ADGRV1: variants seen among roughly 807,000 people sequenced by gnomAD.
The protein encoded by ADGRV1 is G-protein coupled receptor 98.
ADGRV1 carries 359 observed loss-of-function variants against 596.2 expected under a neutral mutation model. That is an observed-to-expected ratio of 0.60 (90% CI 0.55 to 0.66). ADGRV1 has a LOEUF of 0.66. ADGRV1 is among the 30% of genes least tolerant of loss of function. The pLI is 0.00. For synonymous variants in ADGRV1, 2,681 were observed against 2,679.2 expected (o/e 1.00, Z -0.02); for missense variants, 7,274 against 7,575.6 (o/e 0.96, Z 1.48).
At chr5:90,863,921 T>G (rs1767847801) in intron 83 of ADGRV1, 64 bp downstream of exon 83, 1 of 1,050,414 alleles carries the variant, frequency 9.5e-7, no homozygotes, top group Admixed American at 1.9e-5. Context: ...CTTTGGTTCT[T>G]GAACTGAGTG....
chr5:90,745,585 TG>T lies in ADGRV1; in HGVS notation c.10770-4del. On this transcript the variant is annotated splice_region_variant and splice_polypyrimidine_tract_variant and intron_variant, in intron 51 of 89. Coordinates refer to ENST00000405460, the MANE Select transcript of ADGRV1 (RefSeq NM_032119.4). ...TGACTTATTTTGTATATGCTTCTTA[TG>T]GTAGTTCAGGTGAACTGATATTTGA... The T allele has an allele frequency of 6.3e-7, 1 of 1,597,300 alleles. No homozygotes were observed. Among genetic ancestry groups the T allele is most frequent in the Non-Finnish European group, 8.6e-7 (1 of 1,167,616 alleles).
intron 85 of ADGRV1, among the ~76,000 whole-genome samples, chr5:91,018,158 C>A (rs1299857981): frequency 6.6e-6 from 1 of 151,890 alleles, no homozygotes; most frequent in Non-Finnish European, 1.5e-5. Flanking sequence ...TTCTGAAAGT[C>A]TCTGAGCATC....
intron 83 of ADGRV1, among the ~76,000 whole-genome samples, chr5:90,950,966 C>T (rs1777013697): frequency 6.6e-6 from 1 of 152,076 alleles, no homozygotes; most frequent in Admixed American, 6.6e-5. Context: ...AAAGATAAGC[C>T]TCGCTCTTCT....
intron 83 of ADGRV1, among the ~76,000 whole-genome samples, chr5:90,916,023 A>G (rs953892792): frequency 6.6e-6 from 1 of 152,146 alleles, no homozygotes; most frequent in Non-Finnish European, 1.5e-5. Flanking sequence ...TAGCATTTCT[A>G]AGAGGTTTTT....
rs543868459 is a variant in ADGRV1, at chr5:90,669,514, ATATT to A, written c.4753-3029_4753-3026del. 1.8e-3 allele frequency among the ~76,000 whole-genome samples: 269 copies of A among 152,382 alleles called. 2 individuals are homozygous for A. Among genetic ancestry groups the A allele is most frequent in the Admixed American group, 8.0e-3 (122 of 15,306 alleles). On this transcript the variant is annotated intron_variant, in intron 21 of 89. Transcript: ENST00000405460. ...CTGATAAAAATGTTGTACACATTAA[ATATT>A]TAATACTTATAAACCACAATAGATA...
chr5:90,667,498 A>G (rs1771644468), intron 21 of ADGRV1, among the ~76,000 whole-genome samples: 1 of 147,124 alleles, frequency 6.8e-6, no homozygotes, highest in Non-Finnish European at 1.5e-5. Context: ...TGATTATTCT[A>G]GTTATACATT....
intron 1 of ADGRV1, among the ~76,000 whole-genome samples, chr5:90,595,778 C>G (rs1282898593): frequency 7.1e-6 from 1 of 139,920 alleles, no homozygotes; most frequent in Non-Finnish European, 1.6e-5. Context: ...GGTGGCTGGC[C>G]GGGCGGGAGG....
intron 83 of ADGRV1, among the ~76,000 whole-genome samples, chr5:90,867,522 C>A (rs1768245926): frequency 6.6e-6 from 1 of 152,092 alleles, no homozygotes; most frequent in African/African-American, 2.4e-5. Flanking sequence ...GACACCCTTG[C>A]GAAAAGATTC....
chr5:90,835,238 G>C (rs112794396), intron 77 of ADGRV1, among the ~76,000 whole-genome samples: 1 of 152,180 alleles, frequency 6.6e-6, no homozygotes, highest in Non-Finnish European at 1.5e-5. Context: ...GGTTATTGCA[G>C]CCATATCTGC....
Position 90,643,869 on chromosome 5 carries a change from A to G in ADGRV1, c.2620A>G (p.Thr874Ala). Residue 874 changes from threonine to alanine, a missense_variant, in exon 14 of 90, where the codon ACC (threonine) becomes GCC (alanine). Thr to Ala is a moderately conservative substitution (Grantham distance 58). Coordinates refer to ENST00000405460, the MANE Select transcript of ADGRV1 (RefSeq NM_032119.4). ...GERESKLGSA[T>A]IVNITILKND... ...ACGGGAAAGCAAGTTGGGAAGTGCC[A>G]CCATTGTCAATATAACGATTCTGAA... The G allele has an allele frequency of 6.2e-7, 1 of 1,611,608 alleles. No homozygotes were observed. The highest frequency in any genetic ancestry group is 8.5e-7 in the Non-Finnish European group (1 of 1,178,610).
intron 86 of ADGRV1, among the ~76,000 whole-genome samples, chr5:91,076,880 C>CT (rs756716073): frequency 2.6e-4 from 39 of 151,596 alleles, no homozygotes; most frequent in Non-Finnish European, 4.7e-4. Context: ...TTTAATTATA[C>CT]TTTAAGTTCT....
chr5:91,060,378 GTATATATA>G (rs199745758), intron 85 of ADGRV1, among the ~76,000 whole-genome samples: 1 of 77,124 alleles, frequency 1.3e-5, no homozygotes, highest in East Asian at 3.0e-4. Context: ...ATGTGTGTGT[GTATATATA>G]TATATATATA....
In ADGRV1 at chr5:90,635,226, A is replaced by T. The variant is rs1766020046; in HGVS notation, c.1952A>T (p.Glu651Val). 7 of 1,613,074 alleles carry T rather than the reference A, an allele frequency of 4.3e-6. No individual in the cohort carries two copies. Among genetic ancestry groups the T allele is most frequent in the Non-Finnish European group, 5.9e-6 (7 of 1,179,620 alleles). ...GTTACTCCAGCCATTGCAAATGGAG[A>T]AATTGGCTTTCTCAGCAATCTTCCA... ...LLVTPAIANG[E>V]IGFLSNLPII... Residue 651 changes from glutamate to valine, a missense_variant, in exon 10 of 90, where the codon GAA (glutamate) becomes GTA (valine). Glu to Val is a moderately radical substitution (Grantham distance 121, BLOSUM62 -2). Transcript: ENST00000405460.
At chr5:90,895,203 A>T (rs1048040349) in intron 83 of ADGRV1, among the ~76,000 whole-genome samples, 2 of 152,280 alleles carry the variant, frequency 1.3e-5, no homozygotes, top group African/African-American at 4.8e-5. Flanking sequence ...AATATGGGCC[A>T]GGTAACCATG....
chr5:90,596,577 TA>T (rs1388447530), intron 1 of ADGRV1, among the ~76,000 whole-genome samples: 1 of 152,034 alleles, frequency 6.6e-6, no homozygotes, highest in African/African-American at 2.4e-5. Context: ...CACTCGTGGT[TA>T]GGAGCTGGAG....
intron 74 of ADGRV1, among the ~76,000 whole-genome samples, chr5:90,814,026 G>A (rs1345045504): frequency 6.6e-6 from 1 of 152,100 alleles, no homozygotes; most frequent in Non-Finnish European, 1.5e-5. Context: ...AAGGAAATGA[G>A]GGTTCTGCTG....
chr5:90,569,631 C>G (rs1237898259), intron 1 of ADGRV1, among the ~76,000 whole-genome samples: 1 of 150,598 alleles, frequency 6.6e-6, no homozygotes, highest in Non-Finnish European at 1.5e-5. Flanking sequence ...CTTTTCATCC[C>G]CTGTTCCTCT....
At chr5:90,668,204 C>A in intron 21 of ADGRV1, among the ~76,000 whole-genome samples, 1 of 152,012 alleles carries the variant, frequency 6.6e-6, no homozygotes, top group Admixed American at 6.5e-5. Context: ...CGCCCCTCCC[C>A]CAGCCTCGCT....
Position 90,706,284 on chromosome 5 carries a change from C to G in ADGRV1, c.8620C>G (p.Gln2874Glu), listed in dbSNP as rs758834029. The G allele has an allele frequency of 2.5e-6, 4 of 1,613,296 alleles. No individual in the cohort carries two copies. Among genetic ancestry groups the G allele is most frequent in the Middle Eastern group, 1.7e-4 (1 of 6,060 alleles). The change falls in exon 38 of 90, where the codon CAA becomes GAA. Residue 2874 changes from glutamine to glutamate, a missense_variant. By Grantham distance (29) the Gln-to-Glu change is conservative. Around this residue, in one of 5 missense-constraint regions of ADGRV1, gnomAD observed 3,643 missense variants for 3,809.2 expected, o/e 0.96. Transcript: ENST00000405460. ...TVPGMLSLKN[Q>E]TVGNLAEPEV... ...TCCTGGAATGCTGAGTCTGAAGAAC[C>G]AAACAGTAGGAAACCTAGCAGAGCC...
Sources: allele counts gnomAD v4.1 joint callset (sites outside exome capture counted in the v4.1 genomes callset), GRCh38; gene constraint gnomAD v4.1.1; regional missense constraint gnomAD v4.1.1; transcripts MANE v1.5; gene names NCBI Gene and HGNC (gene_info 2026-07-23, HGNC 2026-07-21).